Variants in CCDC7 observed in about 807,000 individuals in gnomAD.
The protein encoded by CCDC7 is coiled-coil domain containing 7.
A neutral mutation model predicts 196.9 loss-of-function variants in CCDC7; 183 were observed. That is an observed-to-expected ratio of 0.93 (90% CI 0.82 to 1.05). CCDC7 has a LOEUF of 1.05. Ranked by LOEUF, CCDC7 falls within the 50% of genes least tolerant of loss-of-function variation. CCDC7 has a pLI of 0.00. For synonymous variants in CCDC7, 525 were observed against 484.6 expected (o/e 1.08, Z -1.10); for missense variants, 1,540 against 1,482.2 (o/e 1.04, Z -0.64).
intron 30 of CCDC7, among the ~76,000 whole-genome samples, chr10:32,811,374 A>T (rs1182687283): frequency 6.6e-6 from 1 of 152,092 alleles, no homozygotes; most frequent in Non-Finnish European, 1.5e-5. Context: ...GAACAACTAT[A>T]CGCTGATAAA....
chr10:32,709,678 T>C (rs11009047), intron 24 of CCDC7, among the ~76,000 whole-genome samples: 20,966 of 152,002 alleles, frequency 0.14, 1,720 homozygotes, highest in East Asian at 0.25. Context: ...CACCTACTGC[T>C]GTGTGACCCG....
intron 29 of CCDC7, among the ~76,000 whole-genome samples, chr10:32,798,528 T>A (rs1473570397): frequency 6.6e-6 from 1 of 152,214 alleles, no homozygotes; most frequent in Non-Finnish European, 1.5e-5. Flanking sequence ...GAGCACTCAC[T>A]TGGGATACAA....
At chr10:32,565,459 T>C (rs1589963957) in intron 13 of CCDC7, 99 bp from the exon 15 acceptor site, 1 of 1,223,964 alleles carries the variant, frequency 8.2e-7, no homozygotes, top group Non-Finnish European at 1.1e-6. Flanking sequence ...TCAATTCTTA[T>C]CTTGGGTATC....
intron 18 of CCDC7, among the ~76,000 whole-genome samples, chr10:32,597,705 T>C (rs1300484471): frequency 6.6e-6 from 1 of 152,238 alleles, no homozygotes; most frequent in Non-Finnish European, 1.5e-5. Flanking sequence ...GGGTTTGGTG[T>C]GCATGTCCTT....
intron 28 of CCDC7, among the ~76,000 whole-genome samples, chr10:32,730,204 T>A (rs1476132070): frequency 6.6e-6 from 1 of 152,172 alleles, no homozygotes. Flanking sequence ...CATGTCCATA[T>A]GTTCTCATTG....
At chr10:32,618,879 T>C (rs2063070368) in intron 18 of CCDC7, among the ~76,000 whole-genome samples, 1 of 152,132 alleles carries the variant, frequency 6.6e-6, no homozygotes, top group South Asian at 2.1e-4. Context: ...ATACCAACAA[T>C]GCATAAGTTC....
chr10:32,489,525 G>C (rs1037676269), intron 8 of CCDC7, among the ~76,000 whole-genome samples: 11 of 152,338 alleles, frequency 7.2e-5, no homozygotes, highest in African/African-American at 2.2e-4. Context: ...AGGCTAGCAT[G>C]TAAAGCCAGT....
At chr10:32,874,753 T>TACACACACACACAC (rs3035173) in intron 41 of CCDC7, among the ~76,000 whole-genome samples, 9,594 of 145,222 alleles carry the variant, frequency 0.066, 386 homozygotes, top group South Asian at 0.1. Flanking sequence ...CCAACATATC[T>TACACACACACACAC]ACACACACAC....
chr10:32,628,984 G>A (rs1249810358), intron 18 of CCDC7, among the ~76,000 whole-genome samples: 6 of 152,060 alleles, frequency 3.9e-5, no homozygotes, highest in African/African-American at 1.2e-4. Flanking sequence ...GCTGTTGGAT[G>A]GAATATTCTG....
At chr10:32,528,629 T>A (rs564770057) in intron 11 of CCDC7, among the ~76,000 whole-genome samples, 10 of 138,134 alleles carry the variant, frequency 7.2e-5, no homozygotes, top group African/African-American at 2.5e-4. Flanking sequence ...TTCCATGGTA[T>A]ATGTATGTGT....
At chr10:32,616,561 T>TTTGGTGAAGA (rs1256407895) in intron 18 of CCDC7, among the ~76,000 whole-genome samples, 1 of 151,730 alleles carries the variant, frequency 6.6e-6, no homozygotes, top group Non-Finnish European at 1.5e-5. Context: ...GTTTTTTTTT[T>TTTGGTGAAGA]TTGGTGAAGT....
Position 32,511,271 on chromosome 10 carries a change from G to GA in CCDC7, c.873-6674_873-6673insA, listed in dbSNP as rs1554813150. The GA allele has an allele frequency of 8.9e-6, 6 of 671,664 alleles. 1 individual carries two copies. Among genetic ancestry groups the GA allele is most frequent in the East Asian group, 3.4e-5 (1 of 29,046 alleles). 41.6% of individuals were successfully genotyped at this position (671,664 alleles called of 1,614,324 possible). A position where few individuals can be genotyped will look rare whatever the true frequency, so the allele number is the denominator to read the frequency against. ...TTATTCTGTGGGGGGCGGGGGGGGCGGGGAAATGTACTTTTTGAATATGTG... is the reference window on the plus strand; with the variant it reads ...TTATTCTGTGGGGGGCGGGGGGGGCGAGGGAAATGTACTTTTTGAATATGTG... On this transcript the variant is annotated intron_variant, in intron 9 of 41. Coordinates refer to ENST00000639629, the Ensembl canonical transcript of CCDC7.
At chr10:32,667,376 A>G (rs1339482335) in intron 21 of CCDC7, among the ~76,000 whole-genome samples, 1 of 152,166 alleles carries the variant, frequency 6.6e-6, no homozygotes, top group East Asian at 1.9e-4. Context: ...CAGTTTAATT[A>G]GATCCCATTT....
intron 28 of CCDC7, among the ~76,000 whole-genome samples, chr10:32,746,226 A>G (rs2074702781): frequency 6.6e-6 from 1 of 152,158 alleles, no homozygotes; most frequent in South Asian, 2.1e-4. Context: ...AAGCCTGCAC[A>G]GGGCTGCCAA....
chr10:32,602,868 C>T (rs1490550238), intron 18 of CCDC7, among the ~76,000 whole-genome samples: 12 of 152,074 alleles, frequency 7.9e-5, no homozygotes, highest in Non-Finnish European at 8.8e-5. Flanking sequence ...GCACATGTGA[C>T]ATTTGGATAT....
intron 36 of CCDC7, 57 bp downstream of exon 37, chr10:32,846,016 A>G (rs1413719821): frequency 1.6e-6 from 2 of 1,262,644 alleles, no homozygotes; most frequent in Non-Finnish European, 2.3e-6. Context: ...TCCCTGAGTT[A>G]AATTGAAGTA....
intron 18 of CCDC7, among the ~76,000 whole-genome samples, chr10:32,621,485 A>C (rs1260120093): frequency 6.6e-6 from 1 of 152,160 alleles, no homozygotes. Context: ...TATCTCTATC[A>C]ATATATAGAT....
chr10:32,485,176 G>A (rs2040790250), intron 8 of CCDC7, among the ~76,000 whole-genome samples: 1 of 152,164 alleles, frequency 6.6e-6, no homozygotes. Context: ...CAATTTCAGA[G>A]CCTGTTATTG....
chr10:32,535,188 T>C (rs2050278737), intron 11 of CCDC7, among the ~76,000 whole-genome samples: 1 of 151,896 alleles, frequency 6.6e-6, no homozygotes, highest in African/African-American at 2.4e-5. Flanking sequence ...GGGTTGTTGC[T>C]GGTGAAAATC....
Sources: allele counts gnomAD v4.1 joint callset (sites outside exome capture counted in the v4.1 genomes callset), GRCh38; gene constraint gnomAD v4.1.1; transcripts MANE v1.5; gene names NCBI Gene and HGNC (gene_info 2026-07-23, HGNC 2026-07-21).